The following MYO3B variants were observed in gnomAD, a reference collection of about 807,000 sequenced individuals.
MYO3B encodes the protein myosin-IIIb.
Under a neutral mutation model 174.6 loss-of-function variants are expected in MYO3B, and 156 were observed. The observed-to-expected ratio is 0.89, with a 90% CI of 0.78 to 1.02. MYO3B has a LOEUF of 1.02. MYO3B is among the 50% of genes least tolerant of loss of function. MYO3B has a pLI of 0.00. For missense variants in MYO3B, 1,632 were observed against 1,639.4 expected, an observed-to-expected ratio of 1.00 and a Z score of 0.08; for synonymous variants, 563 against 569.1, an observed-to-expected ratio of 0.99 and a Z score of 0.15.
At chr2:170,482,158 T>G (rs1474839361) in intron 25 of MYO3B, among the ~76,000 whole-genome samples, 1 of 139,548 alleles carries the variant, frequency 7.2e-6, no homozygotes, top group Non-Finnish European at 1.6e-5. Flanking sequence ...AAGTTCTCTC[T>G]CTTTTTTTTT....
chr2:170,564,240 A>G (rs979980950), intron 32 of MYO3B, among the ~76,000 whole-genome samples: 1 of 152,210 alleles, frequency 6.6e-6, no homozygotes, highest in Non-Finnish European at 1.5e-5. Flanking sequence ...TGGGAGGCCA[A>G]GGTTGGTGGA....
intron 8 of MYO3B, among the ~76,000 whole-genome samples, chr2:170,363,311 A>G (rs1408076823): frequency 6.6e-6 from 1 of 152,154 alleles, no homozygotes; most frequent in African/African-American, 2.4e-5. Context: ...CCAGTTTACT[A>G]GTATTTTTAG....
intron 32 of MYO3B, among the ~76,000 whole-genome samples, chr2:170,642,048 A>G (rs913180939): frequency 6.6e-6 from 1 of 152,204 alleles, no homozygotes; most frequent in Non-Finnish European, 1.5e-5. Context: ...CAGTTTCCCC[A>G]GAGGTATCCC....
At chr2:170,204,306 C>T (rs541316640) in intron 3 of MYO3B, among the ~76,000 whole-genome samples, 2 of 152,258 alleles carry the variant, frequency 1.3e-5, no homozygotes, top group African/African-American at 4.8e-5. Flanking sequence ...ATCTGTAGAA[C>T]CCAACACCCT....
intron 1 of MYO3B, among the ~76,000 whole-genome samples, chr2:170,186,336 T>G (rs1411688871): frequency 6.6e-6 from 1 of 152,176 alleles, no homozygotes; most frequent in Non-Finnish European, 1.5e-5. Context: ...CATGAAGTGA[T>G]GTTGAGTTTT....
chr2:170,409,241 C>A (rs1055765998), intron 22 of MYO3B, among the ~76,000 whole-genome samples: 1 of 152,208 alleles, frequency 6.6e-6, no homozygotes, highest in Non-Finnish European at 1.5e-5. Flanking sequence ...CTAGGGGGCG[C>A]TATGCAGAAA....
intron 7 of MYO3B, among the ~76,000 whole-genome samples, chr2:170,240,725 A>G (rs1177294180): frequency 1.3e-5 from 2 of 152,302 alleles, no homozygotes; most frequent in South Asian, 4.1e-4. Context: ...GACATTATCA[A>G]CCTGAAAGTT....
intron 25 of MYO3B, among the ~76,000 whole-genome samples, chr2:170,468,407 T>C (rs1419289026): frequency 6.6e-6 from 1 of 152,226 alleles, no homozygotes; most frequent in East Asian, 1.9e-4. Flanking sequence ...CATTCAGGAC[T>C]GAAACCCTGA....
At chr2:170,212,399 G>A (rs939211978) in intron 3 of MYO3B, among the ~76,000 whole-genome samples, 2 of 152,088 alleles carry the variant, frequency 1.3e-5, no homozygotes, top group African/African-American at 4.8e-5. Flanking sequence ...ATATGGGGGG[G>A]CATAATTTCT....
chr2:170,511,630 T>G (rs745881495), intron 28 of MYO3B, among the ~76,000 whole-genome samples: 1 of 152,360 alleles, frequency 6.6e-6, no homozygotes, highest in South Asian at 2.1e-4. Context: ...AGATAGAAGC[T>G]AGGAAATCTC....
At chr2:170,546,750 G>A (rs1690519252) in intron 32 of MYO3B, among the ~76,000 whole-genome samples, 1 of 152,252 alleles carries the variant, frequency 6.6e-6, no homozygotes, top group East Asian at 1.9e-4. Flanking sequence ...GTTTCATTCT[G>A]TGCTTTAAAT....
intron 8 of MYO3B, among the ~76,000 whole-genome samples, chr2:170,355,398 C>T (rs987024743): frequency 6.6e-6 from 1 of 152,200 alleles, no homozygotes; most frequent in Non-Finnish European, 1.5e-5. Context: ...AAAGAACAAA[C>T]ATTAAGGGAA....
At chr2:170,648,704 T>TTATATTCTATATAATA (rs1698588502) in intron 32 of MYO3B, among the ~76,000 whole-genome samples, 1 of 109,928 alleles carries the variant, frequency 9.1e-6, no homozygotes, top group East Asian at 2.3e-4. Context: ...ATAATATATA[T>TTATATTCTATATAATA]TATATTCTAT....
intron 30 of MYO3B, among the ~76,000 whole-genome samples, chr2:170,535,587 C>T (rs781336138): frequency 1.2e-4 from 18 of 152,098 alleles, no homozygotes; most frequent in African/African-American, 1.9e-4. Flanking sequence ...GCATGGGCTC[C>T]GGGTCAACCA....
intron 25 of MYO3B, among the ~76,000 whole-genome samples, chr2:170,473,299 T>C (rs1411077850): frequency 6.6e-6 from 1 of 151,970 alleles, no homozygotes; most frequent in East Asian, 1.9e-4. Context: ...CCTACCACCA[T>C]GCCCAGCTAA....
intron 16 of MYO3B, among the ~76,000 whole-genome samples, chr2:170,393,240 C>T (rs2094425228): frequency 6.6e-6 from 1 of 151,902 alleles, no homozygotes; most frequent in Admixed American, 6.6e-5. Context: ...TGTGCCACCA[C>T]ACCTGACTAA....
Position 170,263,559 on chromosome 2 carries a change from C to G in MYO3B, c.749+27423C>G, listed in dbSNP as rs375003183. 2.6e-5 allele frequency among the ~76,000 whole-genome samples: 4 copies of G among 152,218 alleles called. No individual in the cohort carries two copies. The South Asian group carries it at 8.3e-4, about 32-fold the overall frequency. ...CAGGAAAACATGTGAACATATGTCT[C>G]TGTGTCATAAACAAGGTTAAGAAAA... On this transcript the variant is annotated intron_variant, in intron 7 of 34. Transcript: ENST00000408978.
chr2:170,490,107 C>A (rs1272202369), intron 25 of MYO3B, among the ~76,000 whole-genome samples: 1 of 150,036 alleles, frequency 6.7e-6, no homozygotes, highest in African/African-American at 2.5e-5. Flanking sequence ...TGGCTCACTG[C>A]AACCTCCGCC....
rs780385298 is a variant in MYO3B at position 170,514,971 on chromosome 2, AC to A, written c.3422del (p.Thr1141ArgfsTer95). ...SGPHSPVAAG[T>X]RGSAEVQDCS... ...GCCACATTCCCCCGTCGCAGCAGGT[AC>A]GAGGGGAAGTGCCGAGGTTCAAGAC... On this transcript the variant is annotated frameshift_variant, in exon 29 of 35. Coordinates refer to ENST00000408978, the MANE Select transcript of MYO3B (RefSeq NM_138995.5). LOFTEE classifies it high-confidence loss of function. 2.6e-5 allele frequency: 42 copies of A among 1,613,986 alleles called. No homozygotes were observed. Among genetic ancestry groups the A allele is most frequent in the Non-Finnish European group, 3.5e-5 (41 of 1,179,972 alleles).
Sources: allele counts gnomAD v4.1 joint callset (sites outside exome capture counted in the v4.1 genomes callset), GRCh38; gene constraint gnomAD v4.1.1; transcripts MANE v1.5; gene names NCBI Gene and HGNC (gene_info 2026-07-23, HGNC 2026-07-21).